The following ZFPM1 variants were observed in gnomAD, a reference collection of about 807,000 sequenced individuals.
The protein encoded by ZFPM1 is zinc finger protein, FOG family member 1.
In ZFPM1, 28 loss-of-function variants were observed where a neutral mutation model predicts 46.3. The ratio of observed to expected loss-of-function variants is 0.60; its 90% CI spans 0.45 to 0.83. The LOEUF (loss-of-function observed/expected upper bound fraction) is 0.83. Among genes scored for constraint, ZFPM1 ranks in the 40% least tolerant of loss-of-function variants. The pLI is 0.00. For missense variants in ZFPM1, 1,878 were observed against 1,432.4 expected (o/e 1.31, Z -5.02); for synonymous variants, 957 against 675.9 (o/e 1.42, Z -6.45).
rs909262383 is a variant in ZFPM1 at position 88,469,086 on chromosome 16, C to G, written c.40+15408C>G. The G allele has an allele frequency of 7.1e-5, 11 of 154,320 alleles. No homozygotes were observed. The highest frequency in any genetic ancestry group is 2.6e-4 in the African/African-American group (11 of 41,526). The allele number at this position is 154,320 out of a possible 1,614,324, so 9.6% of individuals were successfully genotyped here. On this transcript the variant is annotated intron_variant, in intron 1 of 9. Coordinates refer to ENST00000319555, the MANE Select transcript of ZFPM1 (RefSeq NM_153813.3). This position sits in a 1 kb window ranked among gnomAD's most constrained non-coding sequence, Gnocchi z 4.3. ...AGCAGCCACTCCCAGATGGGAACAG[C>G]GAGTTTCACAACCCGGCAGGGACGG...
rs1305435627 is a variant in ZFPM1 at position 88,453,561 on chromosome 16, C to T, written c.-78C>T. On this transcript the variant is annotated 5_prime_UTR_variant, in exon 1 of 10. Coordinates refer to ENST00000319555, the MANE Select transcript of ZFPM1 (RefSeq NM_153813.3). The stretch of plus-strand genomic sequence containing the variant: ...CCGGGGGCATGAGCGGCCCCGCGGC[C>T]CCGCCGCGCCCCCGCCGCCCGCCGC... The T allele has an allele frequency of 2.5e-6, 2 of 808,424 alleles. No individual in the cohort carries two copies. Among genetic ancestry groups the T allele is most frequent in the Non-Finnish European group, 3.0e-6 (2 of 671,450 alleles). 50.1% of individuals were successfully genotyped at this position (808,424 alleles called of 1,614,324 possible).
At chr16:88,531,899 G>A in intron 6 of ZFPM1, 103 bp from the exon 7 acceptor site, 2 of 1,138,264 alleles carry the variant, frequency 1.8e-6, no homozygotes, top group South Asian at 1.5e-5. Context: ...GGGGTGGGGA[G>A]GACGGTGGGG....
At position 88,526,872 on chromosome 16, in the gene ZFPM1, A is replaced by G; in HGVS notation, c.461A>G (p.Gln154Arg). Reference sequence around the variant, plus strand: ...GCCTGCTGGCTGAGGACGCTGCCCCAGGCCCTGACTGAGGCCGAGGCCAAC... The same window carrying G: ...GCCTGCTGGCTGAGGACGCTGCCCCGGGCCCTGACTGAGGCCGAGGCCAAC... ...DEACWLRTLPQALTEAEANTE... is the reference protein window; with the variant it reads ...DEACWLRTLPRALTEAEANTE... The change falls in exon 5 of 10, where the codon CAG becomes CGG. Residue 154 changes from glutamine (Q) to arginine (R), a missense_variant. Coordinates refer to ENST00000319555, the MANE Select transcript of ZFPM1 (RefSeq NM_153813.3). 6.4e-7 allele frequency: 1 copy of G among 1,560,816 alleles called. No individual in the cohort carries two copies. The highest frequency in any genetic ancestry group is 1.8e-5 in the Admixed American group (1 of 55,142).
rs200021109 is a variant in ZFPM1 at position 88,533,307 on chromosome 16, G to A, written c.1349G>A (p.Gly450Glu). 5 of 1,532,312 alleles carry A rather than the reference G, an allele frequency of 3.3e-6. No homozygotes were observed. Among genetic ancestry groups the A allele is most frequent in the African/African-American group, 1.4e-5 (1 of 72,512 alleles). 94.9% of individuals were successfully genotyped at this position (1,532,312 alleles called of 1,614,324 possible). A position where few individuals can be genotyped will look rare whatever the true frequency, so the allele number is the denominator to read the frequency against. The change falls in exon 10 of 10, where the codon GGA (glycine) becomes GAA (glutamate). Residue 450 changes from glycine (G) to glutamate (E), a missense_variant. Transcript: ENST00000319555. ...EARAEPLAQN[G>E]GSSEPPAAPR... ...AGAGCGGAGCCTCTGGCCCAGAATG[G>A]AGGCAGCAGCGAGCCCCCGGCGGCC...
chr16:88,453,817 C>G, intron 1 of ZFPM1, 139 bp downstream of exon 1: 1 of 456,756 alleles, frequency 2.2e-6, no homozygotes, highest in Non-Finnish European at 2.9e-6. Flanking sequence ...CCGCGCTGTG[C>G]CAAGCGCGCC....
chr16:88,474,984 T>G (rs1189669205), intron 1 of ZFPM1, among the ~76,000 whole-genome samples: 1 of 152,244 alleles, frequency 6.6e-6, no homozygotes, highest in African/African-American at 2.4e-5. Context: ...TGGCCCTGAA[T>G]GGCAGCTGAC....
chr16:88,470,267 G>A (rs1908353784), intron 1 of ZFPM1, among the ~76,000 whole-genome samples: 1 of 152,204 alleles, frequency 6.6e-6, no homozygotes, highest in Admixed American at 6.5e-5. Flanking sequence ...CTGGGGACAG[G>A]GCTGCTGGAC....
intron 2 of ZFPM1, among the ~76,000 whole-genome samples, chr16:88,487,917 C>A (rs1909324290): frequency 6.6e-6 from 1 of 152,232 alleles, no homozygotes; most frequent in Admixed American, 6.5e-5. Context: ...GGCCTGGGAC[C>A]CGCTGGCTGC....
In ZFPM1 at chr16:88,520,323, A is replaced by C. The variant is rs1466166407; in HGVS notation, c.402+5803A>C. 2.8e-5 allele frequency among the ~76,000 whole-genome samples: 4 copies of C among 142,022 alleles called. No homozygotes were observed. In the South Asian group the frequency reaches 9.4e-4, roughly 33 times the overall value. 93.2% of individuals were successfully genotyped at this position (142,022 alleles called of 152,430 possible). A position where few individuals can be genotyped will look rare whatever the true frequency, so the allele number is the denominator to read the frequency against. On this transcript the variant is annotated intron_variant, in intron 4 of 9. Transcript: ENST00000319555. ...GGATGCGTGGGTGAGTGGGTGAAGG[A>C]GGGGTGGATAGATGGATGAGTGGAT...
chr16:88,472,357 T>A lies in ZFPM1; in HGVS notation c.41-13582T>A, dbSNP rs11859828. Among the ~76,000 whole-genome samples, 707 of 148,404 alleles carry A rather than the reference T, an allele frequency of 4.8e-3. 5 individuals are homozygous for A. The highest frequency in any genetic ancestry group is 0.016 in the African/African-American group (662 of 40,576). On this transcript the variant is annotated intron_variant, in intron 1 of 9. Transcript: ENST00000319555. ...CCTGCTTTTTTGTTTGAATTTTCTT[T>A]TTTTTTTTTTTTTTTGAGACTGAGT...
intron 3 of ZFPM1, among the ~76,000 whole-genome samples, chr16:88,512,283 G>T (rs1255528495): frequency 6.6e-6 from 1 of 152,168 alleles, no homozygotes; most frequent in African/African-American, 2.4e-5. Context: ...GCCAGGACAG[G>T]GACCTCAGCA....
intron 1 of ZFPM1, among the ~76,000 whole-genome samples, chr16:88,460,914 CCGAGGGGCGGGGCG>C (rs1163057475): frequency 1.9e-4 from 20 of 104,612 alleles, no homozygotes; most frequent in African/African-American, 7.5e-4. Flanking sequence ...CTGGTGAGGA[CCGAGGGGCGGGGCG>C]GGAGGCCTGG....
chr16:88,514,610 C>T (rs887060604), intron 4 of ZFPM1, 90 bp downstream of exon 4: 8 of 1,427,714 alleles, frequency 5.6e-6, no homozygotes, highest in African/African-American at 1.4e-5. Context: ...ATGCCAGCTC[C>T]GGGGCTCTGG....
intron 1 of ZFPM1, among the ~76,000 whole-genome samples, chr16:88,466,334 C>T (rs1205730704): frequency 6.6e-6 from 1 of 152,206 alleles, no homozygotes; most frequent in East Asian, 1.9e-4. Flanking sequence ...TCATTCTCCT[C>T]AGAGAACTGA....
chr16:88,526,400 C>T (rs540958144), intron 4 of ZFPM1, among the ~76,000 whole-genome samples: 3 of 152,210 alleles, frequency 2.0e-5, no homozygotes, highest in Admixed American at 1.3e-4. Flanking sequence ...GTGGGAACAG[C>T]GGTTTCACAC....
chr16:88,500,355 C>T (rs1189688263), intron 3 of ZFPM1, among the ~76,000 whole-genome samples: 1 of 152,244 alleles, frequency 6.6e-6, no homozygotes, highest in East Asian at 1.9e-4. Flanking sequence ...ACAGGGCGCT[C>T]TTGGGAGGAC....
intron 1 of ZFPM1, among the ~76,000 whole-genome samples, chr16:88,464,209 A>G (rs967731046): frequency 6.6e-6 from 1 of 152,172 alleles, no homozygotes; most frequent in African/African-American, 2.4e-5. Flanking sequence ...TTAAGGGTGC[A>G]CTGAGCACAC....
intron 3 of ZFPM1, among the ~76,000 whole-genome samples, chr16:88,491,492 T>C (rs1909572267): frequency 1.3e-5 from 2 of 152,160 alleles, no homozygotes; most frequent in African/African-American, 2.4e-5. Context: ...GTCATGCGGC[T>C]GGGAGGTGGT....
In ZFPM1 at chr16:88,462,884, C is replaced by T. The variant is rs185703571; in HGVS notation, c.40+9206C>T. 4.1e-3 allele frequency among the ~76,000 whole-genome samples: 597 copies of T among 144,018 alleles called. 4 individuals carry two copies. The highest frequency in any genetic ancestry group is 6.8e-3 in the Middle Eastern group (2 of 292). 94.5% of individuals were successfully genotyped at this position (144,018 alleles called of 152,430 possible). ...GCTCACCTCACGGGGCTGTGAGGAG[C>T]GATGCCACCCAACACGGGAGGTGCA... On this transcript the variant is annotated intron_variant, in intron 1 of 9. Transcript: ENST00000319555.
Sources: allele counts gnomAD v4.1 joint callset (sites outside exome capture counted in the v4.1 genomes callset), GRCh38; gene constraint gnomAD v4.1.1; non-coding constraint Gnocchi (gnomAD v3.1); transcripts MANE v1.5; gene names NCBI Gene and HGNC (gene_info 2026-07-23, HGNC 2026-07-21).